Variants in POTEC observed in about 807,000 individuals in gnomAD.
The protein encoded by POTEC is ANKRD26-like family B member 2.
A neutral mutation model predicts 62.0 loss-of-function variants in POTEC; 35 were observed. That is an observed-to-expected ratio of 0.56 (90% CI 0.43 to 0.75). The LOEUF (loss-of-function observed/expected upper bound fraction) is 0.75. POTEC is among the 30% of genes least tolerant of loss of function. The pLI is 0.00. For missense variants in POTEC, 472 were observed against 655.9 expected (o/e 0.72, Z 3.06); for synonymous variants, 156 against 221.5 (o/e 0.70, Z 2.62).
At chr18:14,518,339 T>C (rs1910219092) in intron 9 of POTEC, among the ~76,000 whole-genome samples, 1 of 150,894 alleles carries the variant, frequency 6.6e-6, no homozygotes, top group Non-Finnish European at 1.5e-5. Context: ...GTTTATGTGT[T>C]TGATGGGGAG....
chr18:14,513,606 G>A, intron 10 of POTEC, 56 bp downstream of exon 10: 2 of 1,532,938 alleles, frequency 1.3e-6, no homozygotes, highest in South Asian at 1.3e-5. Flanking sequence ...CCAAAATAAA[G>A]CTTTTTAAAA....
chr18:14,518,547 C>T (rs1910226486), intron 9 of POTEC, among the ~76,000 whole-genome samples: 1 of 144,928 alleles, frequency 6.9e-6, no homozygotes, highest in Non-Finnish European at 1.5e-5. Flanking sequence ...ACCTTCCCTT[C>T]GTTACGTTAG....
At chr18:14,525,814 T>C (rs1051574362) in intron 6 of POTEC, among the ~76,000 whole-genome samples, 10 of 152,170 alleles carry the variant, frequency 6.6e-5, no homozygotes, top group African/African-American at 2.4e-4. Flanking sequence ...CCAAAATTAC[T>C]ACTGACACCT....
At chr18:14,523,379 T>A in intron 8 of POTEC, 84 bp downstream of exon 8, 1 of 1,292,996 alleles carries the variant, frequency 7.7e-7, no homozygotes, top group Non-Finnish European at 1.1e-6. Flanking sequence ...GATAGGATCA[T>A]GTATGCCTAC....
intron 1 of POTEC, among the ~76,000 whole-genome samples, chr18:14,538,960 G>T (rs1905841466): frequency 6.6e-6 from 1 of 152,134 alleles, no homozygotes; most frequent in African/African-American, 2.4e-5. Flanking sequence ...TAATATAACA[G>T]GTCTGGGGCA....
chr18:14,534,594 A>G (rs546452891), intron 4 of POTEC, among the ~76,000 whole-genome samples: 1 of 152,038 alleles, frequency 6.6e-6, no homozygotes, highest in South Asian at 2.1e-4. Context: ...GTCATAAAGT[A>G]AACTGAAAGT....
In POTEC at chr18:14,511,728, T is replaced by A; in HGVS notation, c.*170A>T. The A allele has an allele frequency of 2.9e-6, 2 of 695,850 alleles. No homozygotes were observed. Among genetic ancestry groups the A allele is most frequent in the Non-Finnish European group, 5.1e-6 (2 of 388,588 alleles). The allele number at this position is 695,850 out of a possible 1,614,324, so 43.1% of individuals were successfully genotyped here. The stretch of plus-strand genomic sequence containing the variant: ...ACATTCTCCAGTTCAGAACTGAGCA[T>A]TCTCAGTTGTCAAAATCCTAAGCTG... On this transcript the variant is annotated 3_prime_UTR_variant, in exon 11 of 11. Coordinates refer to ENST00000358970, the MANE Select transcript of POTEC (RefSeq NM_001137671.2).
intron 5 of POTEC, chr18:14,531,702 G>C (rs535040358): frequency 1.8e-4 from 27 of 151,994 alleles, no homozygotes; most frequent in African/African-American, 6.0e-4. Context: ...TCAAAGAGTT[G>C]TGCTGCCTCC....
chr18:14,517,799 T>G (rs574553447), intron 9 of POTEC, among the ~76,000 whole-genome samples: 1 of 152,284 alleles, frequency 6.6e-6, no homozygotes, highest in South Asian at 2.1e-4. Flanking sequence ...AGGTGGAGGT[T>G]GCAGTGAACT....
At position 14,534,948 on chromosome 18, in the gene POTEC, A is replaced by G; in HGVS notation, c.870T>C (p.Phe290=). The G allele has an allele frequency of 6.3e-7, 1 of 1,594,182 alleles. No homozygotes were observed. Residue 290 remains phenylalanine (F), a synonymous_variant, in exon 4 of 11, where the codon TTT becomes TTC. Transcript: ENST00000358970. ...VHEQKQQVVK[F]LIKKKANLNA... Reference sequence around the variant, plus strand: ...TTAAATTAGCTTTTTTCTTGATTAAAAATTTCACCACTTGCTGTTTTTGTT... The same window carrying G: ...TTAAATTAGCTTTTTTCTTGATTAAGAATTTCACCACTTGCTGTTTTTGTT...
chr18:14,543,247 A>T lies in POTEC; in HGVS notation c.-101T>A. ...AAACCCTGGGTTTCCAATCTGTTTG[A>T]AGAGAAAGGTCAATCCCAGCCAAAA... On this transcript the variant is annotated 5_prime_UTR_variant, in exon 1 of 11. Coordinates refer to ENST00000358970, the MANE Select transcript of POTEC (RefSeq NM_001137671.2). 6.6e-7 allele frequency: 1 copy of T among 1,514,104 alleles called. No individual in the cohort carries two copies. The highest frequency in any genetic ancestry group is 9.0e-7 in the Non-Finnish European group (1 of 1,115,252). 93.8% of individuals were successfully genotyped at this position (1,514,104 alleles called of 1,614,324 possible).
In POTEC at chr18:14,508,730, A is replaced by G. The variant is rs570548562; in HGVS notation, c.*3168T>C. 5 of 152,590 alleles carry G rather than the reference A, an allele frequency of 3.3e-5. No individual in the cohort carries two copies. Among genetic ancestry groups the G allele is most frequent in the African/African-American group, 1.2e-4 (5 of 41,422 alleles). The allele number at this position is 152,590 out of a possible 1,614,324, so 9.5% of individuals were successfully genotyped here. A position where few individuals can be genotyped will look rare whatever the true frequency, so the allele number is the denominator to read the frequency against. On this transcript the variant is annotated 3_prime_UTR_variant, in exon 11 of 11. Transcript: ENST00000358970. ...GAACTCTGCTTGTATCATTTCAGAC[A>G]TCTCAGCCTCAGCCCAGTTCTGAAC...
intron 8 of POTEC, 105 bp from the exon 9 acceptor site, chr18:14,522,525 T>C (rs1324608063): frequency 1.2e-5 from 19 of 1,524,034 alleles, no homozygotes; most frequent in Middle Eastern, 4.9e-4. Context: ...ATTTTAGTCA[T>C]TAAAAATATC....
chr18:14,530,831 A>G (rs942048986), intron 5 of POTEC, among the ~76,000 whole-genome samples: 6 of 152,192 alleles, frequency 3.9e-5, no homozygotes, highest in African/African-American at 1.2e-4. Context: ...CCAACTCTGC[A>G]TAAGTCCTAG....
chr18:14,539,260 T>C (rs1411044722), intron 1 of POTEC, among the ~76,000 whole-genome samples: 888 of 125,402 alleles, frequency 7.1e-3, no homozygotes, highest in African/African-American at 0.014. Context: ...ATGAAACTAT[T>C]TGTGGAGCTT....
chr18:14,513,691 C>T lies in POTEC; in HGVS notation c.1504G>A (p.Glu502Lys), dbSNP rs1567909417. ...GAATTCATTTTCTTTTCAGCCACTT[C>T]TATCTGCTTTTGTTTATTAGTCAGA... is the stretch of plus-strand genomic sequence containing the variant. ...EILTNKQKQI[E>K]VAEKKMNSEL... Residue 502 changes from glutamate to lysine, a missense_variant, in exon 10 of 11, where the codon GAA becomes AAA. Coordinates refer to ENST00000358970, the MANE Select transcript of POTEC (RefSeq NM_001137671.2). 1 of 1,611,724 alleles carries T rather than the reference C, an allele frequency of 6.2e-7. No individual in the cohort carries two copies. Among genetic ancestry groups the T allele is most frequent in the Non-Finnish European group, 8.5e-7 (1 of 1,179,810 alleles).
Position 14,514,905 on chromosome 18 carries a change from C to A in POTEC, c.1410-1120G>T, listed in dbSNP as rs556963730. Among the ~76,000 whole-genome samples the A allele has an allele frequency of 3.3e-5, 5 of 152,206 alleles. No individual in the cohort carries two copies. The South Asian group carries it at 1.0e-3, about 32-fold the overall frequency. ...TACCAATGAATAGTACCACTATACA[C>A]CAACTACAACCAAGCTGAGAGTCAT... On this transcript the variant is annotated intron_variant, in intron 9 of 10. Transcript: ENST00000358970.
intron 1 of POTEC, among the ~76,000 whole-genome samples, chr18:14,539,359 GA>G (rs1905856561): frequency 6.6e-6 from 1 of 151,406 alleles, no homozygotes; most frequent in African/African-American, 2.4e-5. Context: ...TGGTTGTACA[GA>G]TTATTTCATT....
rs1906008191 is a variant in POTEC at position 14,543,009 on chromosome 18, A to C, written c.138T>G (p.Ser46=). 1.9e-6 allele frequency: 3 copies of C among 1,611,926 alleles called. No homozygotes were observed. Among genetic ancestry groups the C allele is most frequent in the Non-Finnish European group, 2.5e-6 (3 of 1,179,346 alleles). The change falls in exon 1 of 11, where the codon TCT becomes TCG. Residue 46 remains serine, a synonymous_variant. Coordinates refer to ENST00000358970, the MANE Select transcript of POTEC (RefSeq NM_001137671.2). ...TCATAAAGGAGTCGTCGTGGTCTCCAGAAGTGCCCATGTTGCTCTTGCCGC... is the reference window on the plus strand; with the variant it reads ...TCATAAAGGAGTCGTCGTGGTCTCCCGAAGTGCCCATGTTGCTCTTGCCGC... ...KGSGKSNMGT[S]GDHDDSFMKM...
Sources: allele counts gnomAD v4.1 joint callset (sites outside exome capture counted in the v4.1 genomes callset), GRCh38; gene constraint gnomAD v4.1.1; transcripts MANE v1.5; gene names NCBI Gene and HGNC (gene_info 2026-07-23, HGNC 2026-07-21).